DSCAM: variants seen among roughly 807,000 people sequenced by gnomAD.
DSCAM encodes the protein cell adhesion molecule DSCAM.
In DSCAM, 47 loss-of-function variants were observed where a neutral mutation model predicts 217.7. The ratio of observed to expected loss-of-function variants is 0.22; its 90% CI spans 0.17 to 0.28. The LOEUF is 0.28. Ranked by LOEUF, DSCAM falls within the 10% of genes least tolerant of loss-of-function variation. The pLI, the probability that DSCAM is intolerant of heterozygous loss-of-function variation, is 1.00. For missense variants in DSCAM, 2,080 were observed against 2,618.3 expected (o/e 0.79, Z 4.49); for synonymous variants, 1,056 against 1,015.3 (o/e 1.04, Z -0.76).
chr21:40,414,486 A>C (rs1195555795), intron 3 of DSCAM, among the ~76,000 whole-genome samples: 1 of 152,238 alleles, frequency 6.6e-6, no homozygotes, highest in Non-Finnish European at 1.5e-5. Context: ...AAGAACTGAG[A>C]CAACTAAACT....
intron 1 of DSCAM, among the ~76,000 whole-genome samples, chr21:40,786,747 C>G (rs538340921): frequency 6.6e-6 from 1 of 152,056 alleles, no homozygotes; most frequent in Non-Finnish European, 1.5e-5. Context: ...AGAAAGAAAC[C>G]AATACTAATC....
At position 40,338,139 on chromosome 21, in the gene DSCAM, T is replaced by C; in HGVS notation, c.1745A>G (p.Gln582Arg). ...GTGGACGCTCTGGCTGGTGGAGAGT[T>C]GTGGTTGAACCAACACGTTGCACGT... ...EYTCNVLVQP[Q>R]LSTSQSVHVT... The change falls in exon 8 of 33, where the codon CAA becomes CGA. Residue 582 changes from glutamine to arginine, a missense_variant. Coordinates refer to ENST00000400454, the MANE Select transcript of DSCAM (RefSeq NM_001389.5). The C allele has an allele frequency of 5.6e-6, 9 of 1,614,250 alleles. No individual in the cohort carries two copies. The highest frequency in any genetic ancestry group is 7.6e-6 in the Non-Finnish European group (9 of 1,180,046).
In DSCAM at chr21:40,093,898, C is replaced by T. The variant is rs370844956; in HGVS notation, c.3697-24G>A. ...ACCTGTAAAAAGAGACATAAGTGTTCCCACATTCAAAGAAGCATGTGGCAA... is the reference window on the plus strand; with the variant it reads ...ACCTGTAAAAAGAGACATAAGTGTTTCCACATTCAAAGAAGCATGTGGCAA... On this transcript the variant is annotated intron_variant, in intron 20 of 32. Transcript: ENST00000400454. 441 of 1,599,348 alleles carry T rather than the reference C, an allele frequency of 2.8e-4. No individual in the cohort carries two copies. In the African/African-American group the frequency reaches 5.3e-3, roughly 19 times the overall value.
chr21:40,523,193 T>G (rs6517596), intron 3 of DSCAM, among the ~76,000 whole-genome samples: 41,640 of 151,470 alleles, frequency 0.27, 7,102 homozygotes, highest in African/African-American at 0.47. Context: ...GTAGAGGAGG[T>G]TGTGGTCCCT....
At chr21:40,558,922 T>C (rs974707767) in intron 3 of DSCAM, among the ~76,000 whole-genome samples, 6 of 152,210 alleles carry the variant, frequency 3.9e-5, no homozygotes, top group Non-Finnish European at 5.9e-5. Flanking sequence ...CTGATAAGCA[T>C]GCAGAAATCA....
intron 3 of DSCAM, among the ~76,000 whole-genome samples, chr21:40,644,390 G>A (rs1301013326): frequency 1.3e-5 from 2 of 152,190 alleles, no homozygotes; most frequent in African/African-American, 2.4e-5. Context: ...AGGAGAATAG[G>A]GTTTAGGGTA....
chr21:40,569,254 C>T (rs1036447306), intron 3 of DSCAM, among the ~76,000 whole-genome samples: 4 of 152,288 alleles, frequency 2.6e-5, no homozygotes, highest in African/African-American at 9.6e-5. Context: ...TAGACCCTTA[C>T]TCTTGTGATA....
At chr21:40,520,146 T>C (rs992556911) in intron 3 of DSCAM, among the ~76,000 whole-genome samples, 2 of 152,084 alleles carry the variant, frequency 1.3e-5, no homozygotes, top group Non-Finnish European at 2.9e-5. Context: ...GTAGATTAGC[T>C]TGCAATAGTG....
At chr21:40,420,815 A>G (rs998310747) in intron 3 of DSCAM, among the ~76,000 whole-genome samples, 2 of 152,184 alleles carry the variant, frequency 1.3e-5, no homozygotes, top group Non-Finnish European at 2.9e-5. Flanking sequence ...ATTACCAGCA[A>G]ACGACCAGAA....
chr21:40,365,326 T>C (rs948343591), intron 4 of DSCAM, among the ~76,000 whole-genome samples: 3 of 152,166 alleles, frequency 2.0e-5, no homozygotes, highest in African/African-American at 7.2e-5. Flanking sequence ...AGCCTACATC[T>C]TTCTCCCGTG....
chr21:40,792,181 C>T (rs1269841087), intron 1 of DSCAM, among the ~76,000 whole-genome samples: 3 of 147,200 alleles, frequency 2.0e-5, no homozygotes, highest in African/African-American at 5.1e-5. Context: ...CACTGTTGCC[C>T]GGGCTGGAGT....
intron 3 of DSCAM, among the ~76,000 whole-genome samples, chr21:40,457,207 G>A (rs1043921776): frequency 6.6e-6 from 1 of 152,270 alleles, no homozygotes; most frequent in Non-Finnish European, 1.5e-5. Context: ...AGTTGACACT[G>A]TATTTGGAAA....
At chr21:40,357,788 A>G (rs1442772927) in intron 4 of DSCAM, among the ~76,000 whole-genome samples, 1 of 152,078 alleles carries the variant, frequency 6.6e-6, no homozygotes, top group African/African-American at 2.4e-5. Context: ...GTGCAGCACA[A>G]CAACATGGCA....
intron 3 of DSCAM, among the ~76,000 whole-genome samples, chr21:40,544,800 T>A (rs563603512): frequency 6.6e-6 from 1 of 152,196 alleles, no homozygotes; most frequent in African/African-American, 2.4e-5. Flanking sequence ...CAATTGAACC[T>A]TTCCAAATGA....
rs1419838292 is a variant in DSCAM at position 40,178,999 on chromosome 21, G to A, written c.2875C>T (p.Arg959Cys). The change falls in exon 15 of 33, where the codon CGC (arginine) becomes TGC (cysteine). Residue 959 changes from arginine to cysteine, a missense_variant. Physicochemically the swap from Arg to Cys is radical, Grantham distance 180. Transcript: ENST00000400454. ...DIHPSSTYSI[R>C]MYAKNRIGKS... ...CCAATCCGGTTCTTGGCGTACATGC[G>A]GATGCTGTAGGTGGAGGAAGGGTGG... 3 of 1,614,002 alleles carry A rather than the reference G, an allele frequency of 1.9e-6. No homozygotes were observed. The highest frequency in any genetic ancestry group is 1.1e-5 in the South Asian group (1 of 91,074).
chr21:40,328,291 A>T, intron 8 of DSCAM, among the ~76,000 whole-genome samples: 1 of 152,144 alleles, frequency 6.6e-6, no homozygotes, highest in African/African-American at 2.4e-5. Context: ...CCATAAAATC[A>T]TAGACCAATG....
At chr21:40,632,813 T>C (rs551725288) in intron 3 of DSCAM, among the ~76,000 whole-genome samples, 1 of 152,278 alleles carries the variant, frequency 6.6e-6, no homozygotes. Context: ...CCAGCGCCAC[T>C]GGAATGGAAA....
chr21:40,695,230 G>T (rs770712712), intron 2 of DSCAM, among the ~76,000 whole-genome samples: 1 of 152,052 alleles, frequency 6.6e-6, no homozygotes, highest in Admixed American at 6.6e-5. Context: ...CCTGTTTACC[G>T]GGAGACACGG....
intron 11 of DSCAM, among the ~76,000 whole-genome samples, chr21:40,274,911 T>C (rs1160952453): frequency 1.3e-5 from 2 of 152,184 alleles, no homozygotes; most frequent in Non-Finnish European, 2.9e-5. Context: ...AGCCTTTCAA[T>C]ATCATACACA....
Sources: allele counts gnomAD v4.1 joint callset (sites outside exome capture counted in the v4.1 genomes callset), GRCh38; gene constraint gnomAD v4.1.1; transcripts MANE v1.5; gene names NCBI Gene and HGNC (gene_info 2026-07-23, HGNC 2026-07-21).